Variants in ZNF805 observed in about 807,000 individuals in gnomAD.
ZNF805 encodes zinc finger protein 805.
ZNF805 carries 7 observed loss-of-function variants against 13.6 expected under a neutral mutation model. The observed-to-expected ratio is 0.51, with a 90% CI of 0.29 to 0.97. The LOEUF (loss-of-function observed/expected upper bound fraction) is 0.97, where lower values mean the gene tolerates loss of function less well. Among genes scored for constraint, ZNF805 ranks in the 50% least tolerant of loss-of-function variants. The probability of loss-of-function intolerance (pLI) is 0.08; values close to 1 mark genes in which losing one functional copy is unlikely to be tolerated. For missense variants in ZNF805, 604 were observed against 771.0 expected (o/e 0.78, Z 2.57); for synonymous variants, 293 against 279.8 (o/e 1.05, Z -0.47).
At position 57,258,266 on chromosome 19, in the gene ZNF805, G is replaced by A. The variant is rs1200151479; in HGVS notation, c.*3563G>A. ...GATCTGCCCACCTCAGCCTCCCAAA[G>A]TGCTGGGATTACAGGTATGTGTCAC... On this transcript the variant is annotated 3_prime_UTR_variant, in exon 4 of 4. Coordinates refer to ENST00000414468, the MANE Select transcript of ZNF805 (RefSeq NM_001023563.4). Among the ~76,000 whole-genome samples the A allele has an allele frequency of 6.6e-6, 1 of 151,996 alleles. No homozygotes were observed. Among genetic ancestry groups the A allele is most frequent in the Non-Finnish European group, 1.5e-5 (1 of 67,984 alleles).
intron 2 of ZNF805, 88 bp downstream of exon 2, chr19:57,244,137 T>A: frequency 6.7e-7 from 1 of 1,492,812 alleles, no homozygotes; most frequent in Non-Finnish European, 9.0e-7. Flanking sequence ...CAAGAAGTCC[T>A]CTCTTACTGG....
Position 57,253,321 on chromosome 19 carries a change from T to C in ZNF805, c.502T>C (p.Cys168Arg), listed in dbSNP as rs776558797. Residue 168 changes from cysteine (C) to arginine (R), a missense_variant, in exon 4 of 4, where the codon TGT (cysteine) becomes CGT (arginine). This residue lies in a region of ZNF805 where 327 missense variants were observed against 378.2 expected (regional missense o/e 0.86). Transcript: ENST00000414468. The surrounding 1 kb of genome is among the most constrained non-coding windows in gnomAD (Gnocchi z 4.4). ...HDGLGTADSV[C>R]SRIIQDRVSL... ...TGGTTTAGGGACAGCTGATAGTGTG[T>C]GTTCAAGGATTATACAGGATCGAGT... 5.0e-5 allele frequency: 79 copies of C among 1,575,228 alleles called. 1 individual carries two copies. The South Asian group carries it at 8.9e-4, about 18-fold the overall frequency.
chr19:57,254,185 G>T lies in ZNF805; in HGVS notation c.1366G>T (p.Glu456Ter). The part of the protein sequence containing the change: ...KRAHTGEKPF[E>*]CKECGKAFSN... ...GGCCCACACTGGAGAAAAACCTTTC[G>T]AGTGCAAAGAGTGTGGGAAAGCCTT... Residue 456 changes from glutamate to a stop codon, truncating the protein, a stop_gained, in exon 4 of 4, where the codon GAG (glutamate) becomes TAG (stop). Coordinates refer to ENST00000414468, the MANE Select transcript of ZNF805 (RefSeq NM_001023563.4). LOFTEE classifies it low-confidence loss of function (END_TRUNC). 1 of 1,613,850 alleles carries T rather than the reference G, an allele frequency of 6.2e-7. No homozygotes were observed. Among genetic ancestry groups the T allele is most frequent in the South Asian group, 1.1e-5 (1 of 91,058 alleles).
In ZNF805 at chr19:57,254,238, C is replaced by T. The variant is rs1879559372; in HGVS notation, c.1419C>T (p.His473=). The change falls in exon 4 of 4, where the codon CAC becomes CAT. Residue 473 remains histidine (H), a synonymous_variant. Coordinates refer to ENST00000414468, the MANE Select transcript of ZNF805 (RefSeq NM_001023563.4). ...AFSNRADLIR[H]FSIHTGEKPY... ...GCAATAGGGCAGACCTCATTCGCCA[C>T]TTCAGCATCCACACTGGAGAGAAGC... 1.2e-6 allele frequency: 2 copies of T among 1,613,780 alleles called. No individual in the cohort carries two copies. The highest frequency in any genetic ancestry group is 2.7e-5 in the African/African-American group (2 of 74,816).
intron 2 of ZNF805, among the ~76,000 whole-genome samples, 179 bp downstream of exon 2, chr19:57,244,228 G>A (rs1346276013): frequency 7.0e-6 from 1 of 142,442 alleles, no homozygotes; most frequent in Non-Finnish European, 1.5e-5. Context: ...TTTTGAGAGG[G>A]AGTCTTACTC....
At chr19:57,245,622 A>C (rs887751006) in intron 2 of ZNF805, among the ~76,000 whole-genome samples, 1 of 149,680 alleles carries the variant, frequency 6.7e-6, no homozygotes, top group Admixed American at 6.7e-5. Flanking sequence ...TACTAAAAAT[A>C]CAAAAAATTA....
At chr19:57,243,751 A>G (rs555814130) in intron 1 of ZNF805, among the ~76,000 whole-genome samples, 172 bp from the exon 2 acceptor site, 70 of 152,192 alleles carry the variant, frequency 4.6e-4, no homozygotes, top group Non-Finnish European at 7.8e-4. Context: ...TTTCTCTTTT[A>G]CATTACAGTA....
In ZNF805 at chr19:57,256,186, A is replaced by G. The variant is rs1037212835; in HGVS notation, c.*1483A>G. On this transcript the variant is annotated 3_prime_UTR_variant, in exon 4 of 4. Coordinates refer to ENST00000414468, the MANE Select transcript of ZNF805 (RefSeq NM_001023563.4). Reference sequence around the variant, plus strand: ...ACATCTTTGTGATAAGCCCTACTTGATCATGGAGTATAATTTTGTTTGTGT... The same window carrying G: ...ACATCTTTGTGATAAGCCCTACTTGGTCATGGAGTATAATTTTGTTTGTGT... Among the ~76,000 whole-genome samples, 9 of 152,118 alleles carry G rather than the reference A, an allele frequency of 5.9e-5. No individual in the cohort carries two copies. The highest frequency in any genetic ancestry group is 1.3e-4 in the Non-Finnish European group (9 of 67,964).
At chr19:57,244,462 C>T (rs1031209520) in intron 2 of ZNF805, among the ~76,000 whole-genome samples, 34 of 152,136 alleles carry the variant, frequency 2.2e-4, no homozygotes, top group African/African-American at 7.7e-4. Flanking sequence ...CCGCCCGCCT[C>T]GGTCTCCCAA....
intron 1 of ZNF805, among the ~76,000 whole-genome samples, 157 bp from the exon 2 acceptor site, chr19:57,243,766 G>T (rs2087593964): frequency 6.6e-6 from 1 of 152,182 alleles, no homozygotes. Context: ...ACAGTAATCT[G>T]TCCAAAGCAA....
chr19:57,243,788 C>T, intron 1 of ZNF805, 135 bp from the exon 2 acceptor site: 5 of 1,238,010 alleles, frequency 4.0e-6, no homozygotes, highest in Middle Eastern at 2.6e-4. Context: ...GTCTGCCTTC[C>T]TCCTTCAGCC....
In ZNF805 at chr19:57,253,832, G is replaced by C. The variant is rs767624620; in HGVS notation, c.1013G>C (p.Ser338Thr). 5.6e-6 allele frequency: 9 copies of C among 1,613,882 alleles called. No individual in the cohort carries two copies. The highest frequency in any genetic ancestry group is 3.3e-5 in the Admixed American group (2 of 59,992). ...PGFIRHYIIH[S>T]GENPYECFEC... is the part of the protein sequence containing the mutation. ...TTCATTCGACACTACATCATCCACA[G>C]TGGTGAGAATCCCTACGAGTGCTTC... Residue 338 changes from serine to threonine, a missense_variant, in exon 4 of 4, where the codon AGT (serine) becomes ACT (threonine). Ser to Thr is a moderately conservative substitution (Grantham distance 58). Coordinates refer to ENST00000414468, the MANE Select transcript of ZNF805 (RefSeq NM_001023563.4). The surrounding 1 kb of genome is among the most constrained non-coding windows in gnomAD (Gnocchi z 4.4).
rs1217174722 is a variant in ZNF805, at chr19:57,259,124, T to G, written c.*4421T>G. On this transcript the variant is annotated 3_prime_UTR_variant, in exon 4 of 4. Coordinates refer to ENST00000414468, the MANE Select transcript of ZNF805 (RefSeq NM_001023563.4). Reference sequence around the variant, plus strand: ...AGTGTTCAGAAGTTTGGTTATGAGGTGTGTGACATGGAATTTTTTTGAGTG... The same window carrying G: ...AGTGTTCAGAAGTTTGGTTATGAGGGGTGTGACATGGAATTTTTTTGAGTG... 6.6e-6 allele frequency among the ~76,000 whole-genome samples: 1 copy of G among 152,222 alleles called. No homozygotes were observed.
rs542948930 is a variant in ZNF805 at position 57,257,600 on chromosome 19, C to T, written c.*2897C>T. ...GTTAATGCTTGCATGATTTACACTTCATCATTTTTTTAAACCTTATCTATA... is the reference window on the plus strand; with the variant it reads ...GTTAATGCTTGCATGATTTACACTTTATCATTTTTTTAAACCTTATCTATA... On this transcript the variant is annotated 3_prime_UTR_variant, in exon 4 of 4. Coordinates refer to ENST00000414468, the MANE Select transcript of ZNF805 (RefSeq NM_001023563.4). 7.3e-5 allele frequency among the ~76,000 whole-genome samples: 11 copies of T among 150,932 alleles called. No individual in the cohort carries two copies. The highest frequency in any genetic ancestry group is 2.0e-4 in the Admixed American group (3 of 15,152).
chr19:57,241,741 C>T (rs572911125), intron 1 of ZNF805, among the ~76,000 whole-genome samples: 58 of 152,312 alleles, frequency 3.8e-4, no homozygotes, highest in African/African-American at 1.3e-3. Flanking sequence ...GAGTTCTTTC[C>T]TACCCCTCAG....
At chr19:57,241,884 T>A (rs1327633334) in intron 1 of ZNF805, among the ~76,000 whole-genome samples, 1 of 152,202 alleles carries the variant, frequency 6.6e-6, no homozygotes, top group African/African-American at 2.4e-5. Flanking sequence ...ACTAAAGTAG[T>A]CCCCTTCTCA....
chr19:57,257,186 G>C lies in ZNF805; in HGVS notation c.*2483G>C, dbSNP rs1415543959. Among the ~76,000 whole-genome samples the C allele has an allele frequency of 6.6e-6, 1 of 152,064 alleles. No individual in the cohort carries two copies. Among genetic ancestry groups the C allele is most frequent in the African/African-American group, 2.4e-5 (1 of 41,392 alleles). On this transcript the variant is annotated 3_prime_UTR_variant, in exon 4 of 4. Coordinates refer to ENST00000414468, the MANE Select transcript of ZNF805 (RefSeq NM_001023563.4). The stretch of plus-strand genomic sequence containing the variant: ...TTCCTTATGACCCAGGATATAGGCT[G>C]TCTTGTTTTACATAGCTGCTTGAAA...
chr19:57,242,256 C>G (rs2087584163), intron 1 of ZNF805, among the ~76,000 whole-genome samples: 1 of 152,226 alleles, frequency 6.6e-6, no homozygotes, highest in Non-Finnish European at 1.5e-5. Flanking sequence ...CTGAGAAGCC[C>G]TGAGGTGAAC....
rs1362389890 is a variant in ZNF805 at position 57,255,161 on chromosome 19, G to A, written c.*458G>A. The A allele has an allele frequency of 6.0e-6, 1 of 167,904 alleles. No homozygotes were observed. 10.4% of individuals were successfully genotyped at this position (167,904 alleles called of 1,614,324 possible). A position where few individuals can be genotyped will look rare whatever the true frequency, so the allele number is the denominator to read the frequency against. On this transcript the variant is annotated 3_prime_UTR_variant, in exon 4 of 4. Transcript: ENST00000414468. ...ACATTTTATTGTACCACTTAATACT[G>A]TTTAGGTCTTTGATTTTTTAAAAAA...
Sources: gnomAD v4.1 joint callset for allele counts (sites outside exome capture counted in the v4.1 genomes callset) on GRCh38, gnomAD v4.1.1 for gene constraint, gnomAD v4.1.1 regional missense constraint, Gnocchi (gnomAD v3.1) non-coding constraint, MANE v1.5 for transcripts, NCBI Gene and HGNC (gene_info 2026-07-23, HGNC 2026-07-21) for gene names.